Variants in ABCC8 observed in about 807,000 individuals in gnomAD.
ABCC8 encodes the protein ATP binding cassette subfamily C member 8.
A neutral mutation model predicts 188.0 loss-of-function variants in ABCC8; 137 were observed. The observed-to-expected ratio is 0.73, with a 90% CI of 0.63 to 0.84. ABCC8 has a LOEUF of 0.84. Ranked by LOEUF, ABCC8 falls within the 40% of genes least tolerant of loss-of-function variation. The pLI is 0.00. For missense variants in ABCC8, 1,750 were observed against 2,072.7 expected (o/e 0.84, Z 3.02); for synonymous variants, 797 against 846.5 (o/e 0.94, Z 1.01).
intron 14 of ABCC8, 82 bp downstream of exon 14, chr11:17,428,207 A>G: frequency 1.2e-6 from 2 of 1,600,466 alleles, no homozygotes; most frequent in African/African-American, 1.3e-5. Context: ...AGGACTAAGC[A>G]TGCAGCTTTC....
chr11:17,450,985 C>T (rs1401658435), intron 7 of ABCC8, among the ~76,000 whole-genome samples: 1 of 152,064 alleles, frequency 6.6e-6, no homozygotes, highest in Non-Finnish European at 1.5e-5. Flanking sequence ...TTGCGCTCCA[C>T]CCCCCTAATT....
intron 31 of ABCC8, 150 bp downstream of exon 31, chr11:17,397,534 G>A: frequency 1.4e-6 from 2 of 1,418,498 alleles, no homozygotes; most frequent in Non-Finnish European, 1.9e-6. Context: ...GGGGCCTGCT[G>A]GTCAGCCTTC....
chr11:17,464,935 C>G (rs1383719387), intron 3 of ABCC8, among the ~76,000 whole-genome samples: 2 of 152,232 alleles, frequency 1.3e-5, no homozygotes, highest in Admixed American at 6.5e-5. Flanking sequence ...TGGGCCTGGG[C>G]ATGGATGCCA....
rs975178421 is a variant in ABCC8, at chr11:17,436,013, T to C, written c.1631-3769A>G. The stretch of plus-strand genomic sequence containing the variant: ...ATGGGAAGAGACCAACTGTAGATAG[T>C]GATGTGGGGAGATATGGGACAGTTT... On this transcript the variant is annotated intron_variant, in intron 10 of 38. Transcript: ENST00000389817. 5.6e-6 allele frequency: 8 copies of C among 1,421,938 alleles called. No individual in the cohort carries two copies. The African/African-American group carries it at 5.6e-5, about 10-fold the overall frequency. 88.1% of individuals were successfully genotyped at this position (1,421,938 alleles called of 1,614,324 possible).
intron 10 of ABCC8, among the ~76,000 whole-genome samples, chr11:17,433,591 C>T (rs1413927403): frequency 3.9e-5 from 6 of 152,320 alleles, no homozygotes; most frequent in Middle Eastern, 3.4e-3. Flanking sequence ...AGTCTGAGGA[C>T]GGAGACAGGA....
intron 33 of ABCC8, chr11:17,396,201 G>T: frequency 1.5e-6 from 1 of 656,610 alleles, no homozygotes; most frequent in Non-Finnish European, 2.5e-6. Flanking sequence ...CCGGGTACTT[G>T]GCTGAAGGAG....
At chr11:17,432,404 G>C in intron 10 of ABCC8, 160 bp from the exon 11 acceptor site, 1 of 1,439,712 alleles carries the variant, frequency 6.9e-7, no homozygotes, top group Admixed American at 2.2e-5. Context: ...GGCACTTCCA[G>C]TTCCTCACCC....
At chr11:17,435,393 T>C (rs538938832) in intron 10 of ABCC8, among the ~76,000 whole-genome samples, 1 of 152,038 alleles carries the variant, frequency 6.6e-6, no homozygotes, top group African/African-American at 2.4e-5. Flanking sequence ...CAAAGGCCAA[T>C]ATGGAGACAG....
At chr11:17,424,987 A>G (rs1333828951) in intron 16 of ABCC8, among the ~76,000 whole-genome samples, 3 of 152,212 alleles carry the variant, frequency 2.0e-5, no homozygotes, top group Admixed American at 6.5e-5. Flanking sequence ...GAGGTACCCA[A>G]TAAATATTGG....
intron 16 of ABCC8, among the ~76,000 whole-genome samples, chr11:17,420,408 A>T (rs1363272621): frequency 6.6e-6 from 1 of 152,166 alleles, no homozygotes; most frequent in Non-Finnish European, 1.5e-5. Flanking sequence ...TCTGGTTCCC[A>T]TGGCTGGACA....
rs758314757 is a variant in ABCC8 at position 17,397,692 on chromosome 11, C to T, written c.3859G>A (p.Ala1287Thr). 1.4e-5 allele frequency: 23 copies of T among 1,612,442 alleles called. 1 individual carries two copies. The highest frequency in any genetic ancestry group is 3.3e-4 in the Middle Eastern group (2 of 6,084). Residue 1287 changes from alanine to threonine, a missense_variant, in exon 31 of 39, where the codon GCC becomes ACC. Physicochemically the swap from Ala to Thr is moderately conservative, Grantham distance 58 (BLOSUM62 0). Transcript: ENST00000389817. ...AGCCCACTGCCGCTCACCATTAGGGCGTAGGTAAGGCCCAGGCCCACCAGG... is the reference window on the plus strand; with the variant it reads ...AGCCCACTGCCGCTCACCATTAGGGTGTAGGTAAGGCCCAGGCCCACCAGG... ...AGLVGLGLTY[A>T]LMVSNYLNWM...
rs1035797441 is a variant in ABCC8 at position 17,448,383 on chromosome 11, A to G, written c.1332+133T>C. On this transcript the variant is annotated intron_variant, in intron 8 of 38. Transcript: ENST00000389817. ...GGGACCCAGAGGTACAGCCTGTGGT[A>G]TAGCCAAGTGTGTGAAAGGTACAGG... The G allele has an allele frequency of 7.5e-6, 6 of 801,548 alleles. No homozygotes were observed. In the African/African-American group the frequency reaches 8.4e-5, roughly 11 times the overall value. The allele number at this position is 801,548 out of a possible 1,614,324, so 49.7% of individuals were successfully genotyped here.
chr11:17,461,896 G>A (rs1293547463), intron 4 of ABCC8, 71 bp from the exon 5 acceptor site: 8 of 1,602,322 alleles, frequency 5.0e-6, no homozygotes, highest in Non-Finnish European at 6.8e-6. Context: ...GCCCCAGCAA[G>A]GATCTGGGGT....
At chr11:17,399,297 A>ACAAAC (rs201566227) in intron 29 of ABCC8, among the ~76,000 whole-genome samples, 5 of 124,350 alleles carry the variant, frequency 4.0e-5, no homozygotes, top group African/African-American at 1.6e-4. Flanking sequence ...AAAAAAAAAA[A>ACAAAC]AAAAAAACAA....
chr11:17,416,873 C>G, intron 17 of ABCC8, 57 bp downstream of exon 17: 2 of 1,600,772 alleles, frequency 1.2e-6, no homozygotes, highest in East Asian at 2.2e-5. Context: ...TCCTCCACCC[C>G]CACCCTACCC....
At chr11:17,474,774 A>G (rs565143364) in intron 2 of ABCC8, 112 bp downstream of exon 2, 18 of 1,206,570 alleles carry the variant, frequency 1.5e-5, no homozygotes, top group African/African-American at 8.9e-5. Context: ...TGCTGGATGT[A>G]GTAACAAAAG....
intron 28 of ABCC8, 122 bp from the exon 29 acceptor site, chr11:17,402,875 C>T: frequency 8.2e-7 from 1 of 1,221,004 alleles, no homozygotes; most frequent in South Asian, 1.2e-5. Context: ...TAGGCCTCAG[C>T]TTCTTACCCC....
chr11:17,433,224 C>T (rs1955926675), intron 10 of ABCC8, among the ~76,000 whole-genome samples: 1 of 152,236 alleles, frequency 6.6e-6, no homozygotes, highest in South Asian at 2.1e-4. Context: ...ACCATGTCAG[C>T]TGCCACCTTC....
intron 8 of ABCC8, among the ~76,000 whole-genome samples, chr11:17,445,397 A>T (rs941823343): frequency 2.0e-5 from 3 of 152,160 alleles, no homozygotes; most frequent in African/African-American, 7.2e-5. Context: ...ATTTGTGATG[A>T]TGGCTGCACA....
Sources: gnomAD v4.1 joint callset for allele counts (sites outside exome capture counted in the v4.1 genomes callset) on GRCh38, gnomAD v4.1.1 for gene constraint, MANE v1.5 for transcripts, NCBI Gene and HGNC (gene_info 2026-07-23, HGNC 2026-07-21) for gene names.